Variants in ADK observed in about 807,000 individuals in gnomAD.
ADK encodes the protein N6,N6-dimethyladenosine kinase.
ADK carries 24 observed loss-of-function variants against 44.7 expected under a neutral mutation model. That is an observed-to-expected ratio of 0.54 (90% CI 0.39 to 0.76). ADK has a LOEUF of 0.76. Ranked by LOEUF, ADK falls within the 30% of genes least tolerant of loss-of-function variation. ADK has a pLI of 0.00. For synonymous variants in ADK, 128 were observed against 142.6 expected, an observed-to-expected ratio of 0.90 and a Z score of 0.73; for missense variants, 321 against 425.1, an observed-to-expected ratio of 0.76 and a Z score of 2.15.
chr10:74,203,695 A>T (rs6480722), intron 2 of ADK, among the ~76,000 whole-genome samples: 6,192 of 151,792 alleles, frequency 0.041, 456 homozygotes, highest in African/African-American at 0.14. Context: ...TGTTTTGATT[A>T]CTGTAGCTTT....
chr10:74,202,420 A>C (rs1340252962), intron 2 of ADK, among the ~76,000 whole-genome samples: 1 of 152,156 alleles, frequency 6.6e-6, no homozygotes, highest in Admixed American at 6.5e-5. Context: ...GCTTCTTATG[A>C]ATATTCATGT....
chr10:74,276,831 CTT>C (rs1222507258), intron 3 of ADK, among the ~76,000 whole-genome samples: 3 of 148,908 alleles, frequency 2.0e-5, no homozygotes, highest in Admixed American at 6.6e-5. Context: ...AAATTGATCT[CTT>C]TTGTACCTTT....
intron 4 of ADK, among the ~76,000 whole-genome samples, chr10:74,346,094 G>A (rs943228986): frequency 3.9e-5 from 6 of 152,196 alleles, no homozygotes; most frequent in African/African-American, 1.2e-4. Flanking sequence ...GTTTCGCCCT[G>A]TTGGGCAAGC....
At chr10:74,684,381 A>G (rs780730369) in intron 10 of ADK, among the ~76,000 whole-genome samples, 4 of 152,240 alleles carry the variant, frequency 2.6e-5, no homozygotes, top group Non-Finnish European at 5.9e-5. Context: ...AACCAAAACC[A>G]ATGTAAAGAT....
rs138726095 is a variant in ADK at position 74,524,571 on chromosome 10, T to G, written c.556-685T>G. 7.1e-3 allele frequency among the ~76,000 whole-genome samples: 1,082 copies of G among 152,286 alleles called. 7 individuals carry two copies. Among genetic ancestry groups the G allele is most frequent in the Non-Finnish European group, 0.013 (882 of 68,018 alleles). On this transcript the variant is annotated intron_variant, in intron 6 of 10. Transcript: ENST00000539909. ...ACACACCCAGCTAATTTTTGAAATT[T>G]TTGTAGAGACAGAGTTCCGCCATGT...
chr10:74,586,116 A>T (rs572172390), intron 7 of ADK, among the ~76,000 whole-genome samples: 1 of 152,290 alleles, frequency 6.6e-6, no homozygotes, highest in South Asian at 2.1e-4. Flanking sequence ...TGTTTTGCTG[A>T]CAGGGAAAAA....
At chr10:74,533,979 A>G (rs961461083) in intron 7 of ADK, among the ~76,000 whole-genome samples, 1 of 152,230 alleles carries the variant, frequency 6.6e-6, no homozygotes, top group Non-Finnish European at 1.5e-5. Context: ...AAATGAACCA[A>G]CAGCATAGAA....
intron 6 of ADK, among the ~76,000 whole-genome samples, chr10:74,431,360 G>A (rs1005070116): frequency 5.3e-5 from 8 of 152,270 alleles, no homozygotes; most frequent in East Asian, 3.9e-4. Flanking sequence ...TGCTTAATCC[G>A]CATATCTGTT....
intron 9 of ADK, among the ~76,000 whole-genome samples, chr10:74,651,051 C>T (rs1196330000): frequency 6.6e-6 from 1 of 152,044 alleles, no homozygotes; most frequent in East Asian, 1.9e-4. Flanking sequence ...TAGTATGTAG[C>T]TTAAGAAGAG....
At chr10:74,536,480 G>C (rs1356620583) in intron 7 of ADK, among the ~76,000 whole-genome samples, 1 of 82,662 alleles carries the variant, frequency 1.2e-5, no homozygotes, top group Non-Finnish European at 3.5e-5. Flanking sequence ...TTTAATTCTG[G>C]TAAAAAAAAA....
intron 9 of ADK, among the ~76,000 whole-genome samples, chr10:74,662,235 C>G (rs1352130178): frequency 6.6e-6 from 1 of 152,166 alleles, no homozygotes. Context: ...TGACCCCACC[C>G]TCAACCCCTG....
chr10:74,240,447 T>C (rs1441282529), intron 3 of ADK, among the ~76,000 whole-genome samples: 1 of 151,626 alleles, frequency 6.6e-6, no homozygotes, highest in African/African-American at 2.4e-5. Context: ...TGCTGAAATT[T>C]TCCCTTTAAA....
intron 7 of ADK, among the ~76,000 whole-genome samples, chr10:74,566,292 C>T (rs1850666396): frequency 6.6e-6 from 1 of 150,600 alleles, no homozygotes. Flanking sequence ...CTGCAGCCTC[C>T]AACTCCTGGG....
chr10:74,493,808 G>A (rs1359943668), intron 6 of ADK, among the ~76,000 whole-genome samples: 2 of 152,072 alleles, frequency 1.3e-5, no homozygotes, highest in Non-Finnish European at 2.9e-5. Context: ...TATTTTATGT[G>A]TACCTACCAT....
intron 9 of ADK, among the ~76,000 whole-genome samples, chr10:74,665,618 C>T (rs1279860764): frequency 6.6e-6 from 1 of 152,028 alleles, no homozygotes; most frequent in Admixed American, 6.6e-5. Context: ...ACCTGTAGTC[C>T]TAGCTGCTCA....
intron 3 of ADK, among the ~76,000 whole-genome samples, chr10:74,281,446 T>C (rs1846931955): frequency 6.6e-6 from 1 of 152,230 alleles, no homozygotes; most frequent in Admixed American, 6.5e-5. Context: ...CTTATGATCC[T>C]AGACATTAAA....
chr10:74,634,978 C>T (rs1370193027), intron 9 of ADK, among the ~76,000 whole-genome samples: 1 of 152,096 alleles, frequency 6.6e-6, no homozygotes, highest in Non-Finnish European at 1.5e-5. Context: ...GAGAACAGAG[C>T]TTCCTTGACC....
At chr10:74,654,845 G>C (rs1342341822) in intron 9 of ADK, 1 of 152,154 alleles carries the variant, frequency 6.6e-6, no homozygotes, top group Non-Finnish European at 1.5e-5. Flanking sequence ...AGGCCAATAT[G>C]GGCCCAGGGC....
chr10:74,174,043 C>T (rs1188538440), intron 1 of ADK, among the ~76,000 whole-genome samples: 1 of 151,832 alleles, frequency 6.6e-6, no homozygotes, highest in Non-Finnish European at 1.5e-5. Context: ...TGGCTCATGC[C>T]TGTATTCCCA....
Sources: allele counts gnomAD v4.1 joint callset (sites outside exome capture counted in the v4.1 genomes callset), GRCh38; gene constraint gnomAD v4.1.1; transcripts MANE v1.5; gene names NCBI Gene and HGNC (gene_info 2026-07-23, HGNC 2026-07-21).